PCBP3: variants seen among roughly 807,000 people sequenced by gnomAD.
The protein encoded by PCBP3 is poly(rC) binding protein 3.
PCBP3 carries 25 observed loss-of-function variants against 52.7 expected under a neutral mutation model. The ratio of observed to expected loss-of-function variants is 0.47; its 90% CI spans 0.35 to 0.66. The LOEUF is 0.66. Among genes scored for constraint, PCBP3 ranks in the 30% least tolerant of loss-of-function variants. The pLI, the probability that PCBP3 is intolerant of heterozygous loss-of-function variation, is 0.01. For synonymous variants in PCBP3, 162 were observed against 183.0 expected (o/e 0.89, Z 0.93); for missense variants, 391 against 490.3 (o/e 0.80, Z 1.91).
At chr21:45,926,745 A>C (rs1288711787) in intron 13 of PCBP3, among the ~76,000 whole-genome samples, 1 of 152,256 alleles carries the variant, frequency 6.6e-6, no homozygotes, top group Non-Finnish European at 1.5e-5. Flanking sequence ...GAACTCCAAC[A>C]CAAGACAGAA....
At chr21:45,666,574 A>T (rs1470153376) in intron 1 of PCBP3, among the ~76,000 whole-genome samples, 2 of 151,908 alleles carry the variant, frequency 1.3e-5, no homozygotes, top group African/African-American at 2.4e-5. Context: ...TTTATTTGAG[A>T]GTGTCTTAAT....
Position 45,863,514 on chromosome 21 carries a change from C to T in PCBP3, c.10+13419C>T, listed in dbSNP as rs115494687. Among the ~76,000 whole-genome samples the T allele has an allele frequency of 1.9e-3, 297 of 152,338 alleles. 2 individuals are homozygous for T. The highest frequency in any genetic ancestry group is 6.9e-3 in the African/African-American group (285 of 41,578). On this transcript the variant is annotated intron_variant, in intron 5 of 17. Transcript: ENST00000681687. ...GTATTGAAATGACAGCGCATGAGTG[C>T]TGGGTCCACCCTCCAAGGGCATGAG...
chr21:45,921,779 T>A lies in PCBP3; in HGVS notation c.717+4150T>A, dbSNP rs542092891. On this transcript the variant is annotated intron_variant, in intron 13 of 17. Transcript: ENST00000681687. Reference sequence around the variant, plus strand: ...GGTTGCAGTGAGCCAAGATCATCCCTCTGCACTCCAGCCTGGGCGACAGAA... The same window carrying A: ...GGTTGCAGTGAGCCAAGATCATCCCACTGCACTCCAGCCTGGGCGACAGAA... Among the ~76,000 whole-genome samples, 44 of 151,786 alleles carry A rather than the reference T, an allele frequency of 2.9e-4. No homozygotes were observed. The East Asian group carries it at 8.4e-3, about 29-fold the overall frequency.
Position 45,941,688 on chromosome 21 carries a change from C to A in PCBP3, c.1098C>A (p.Thr366=). 6.2e-7 allele frequency: 1 copy of A among 1,606,384 alleles called. No homozygotes were observed. The highest frequency in any genetic ancestry group is 8.5e-7 in the Non-Finnish European group (1 of 1,176,464). The change falls in exon 18 of 18, where the codon ACC becomes ACA. Residue 366 remains threonine (T), a synonymous_variant. Coordinates refer to ENST00000681687, the MANE Select transcript of PCBP3 (RefSeq NM_001384156.1). ...LINARLTSEV[T]GMGTL ...GTTCCAGGCTGACGTCCGAGGTCAC[C>A]GGGATGGGCACGCTGTAATCCTACC...
chr21:45,911,406 T>TG, intron 11 of PCBP3: 1 of 90,708 alleles, frequency 1.1e-5, no homozygotes, highest in Non-Finnish European at 2.2e-5. Context: ...CAGCTGGGGG[T>TG]GGGAGGGAGG....
intron 5 of PCBP3, 123 bp downstream of exon 5, chr21:45,850,218 T>G: frequency 1.2e-6 from 1 of 814,012 alleles, no homozygotes; most frequent in Non-Finnish European, 2.1e-6. Flanking sequence ...TCACCCTGCT[T>G]CAGTCCACAA....
intron 4 of PCBP3, among the ~76,000 whole-genome samples, chr21:45,822,616 C>G (rs150722854): frequency 1.4e-3 from 202 of 140,694 alleles, no homozygotes; most frequent in Non-Finnish European, 2.3e-3. Flanking sequence ...AGGATAGGGC[C>G]AGGAGAGCAA....
intron 5 of PCBP3, among the ~76,000 whole-genome samples, chr21:45,891,524 A>G (rs1385533032): frequency 6.6e-6 from 1 of 152,184 alleles, no homozygotes; most frequent in Admixed American, 6.5e-5. Context: ...CGACTTCTGA[A>G]AGTCCAGGAG....
intron 4 of PCBP3, among the ~76,000 whole-genome samples, chr21:45,845,967 CT>C (rs1429523390): frequency 5.9e-5 from 9 of 152,360 alleles, no homozygotes; most frequent in Non-Finnish European, 1.0e-4. Context: ...TTCATCTCCT[CT>C]GTCTCCTTGC....
At chr21:45,646,298 T>G (rs1264385785) in intron 1 of PCBP3, among the ~76,000 whole-genome samples, 1 of 152,124 alleles carries the variant, frequency 6.6e-6, no homozygotes, top group Non-Finnish European at 1.5e-5. Flanking sequence ...TTAAGGAGGA[T>G]AATTATGCTA....
At chr21:45,678,169 G>A (rs1387826730) in intron 2 of PCBP3, among the ~76,000 whole-genome samples, 19 of 151,992 alleles carry the variant, frequency 1.3e-4, no homozygotes, top group African/African-American at 2.4e-4. Flanking sequence ...GTGAAACCCC[G>A]TCTCTACTAA....
intron 5 of PCBP3, among the ~76,000 whole-genome samples, chr21:45,865,746 C>T (rs1472332597): frequency 6.6e-6 from 1 of 152,238 alleles, no homozygotes; most frequent in Non-Finnish European, 1.5e-5. Context: ...TGTGTTATCA[C>T]CCGGAGCTGT....
At chr21:45,826,956 C>T (rs1056806106) in intron 4 of PCBP3, among the ~76,000 whole-genome samples, 9 of 152,006 alleles carry the variant, frequency 5.9e-5, no homozygotes, top group Non-Finnish European at 8.8e-5. Context: ...TGTACCCACC[C>T]GTGTCAAGGT....
chr21:45,862,259 A>G (rs1000177142), intron 5 of PCBP3, among the ~76,000 whole-genome samples: 2 of 152,172 alleles, frequency 1.3e-5, no homozygotes, highest in Non-Finnish European at 2.9e-5. Context: ...AATTCAAAAT[A>G]CCTGGAATTG....
intron 2 of PCBP3, among the ~76,000 whole-genome samples, chr21:45,728,179 G>A (rs1021234017): frequency 2.0e-5 from 3 of 152,160 alleles, no homozygotes; most frequent in Non-Finnish European, 2.9e-5. Flanking sequence ...GAATTTAGGG[G>A]TAAACATTCA....
intron 9 of PCBP3, among the ~76,000 whole-genome samples, chr21:45,908,995 G>A (rs1349514334): frequency 6.6e-6 from 1 of 152,018 alleles, no homozygotes; most frequent in Non-Finnish European, 1.5e-5. Context: ...CCAGCCCCCA[G>A]CTAGTCTCCA....
intron 1 of PCBP3, among the ~76,000 whole-genome samples, chr21:45,644,529 G>A (rs2079131920): frequency 6.6e-6 from 1 of 151,798 alleles, no homozygotes; most frequent in South Asian, 2.1e-4. Context: ...TTTGCCTGGT[G>A]ATGTTTTCCA....
At chr21:45,831,255 T>C (rs76411915) in intron 4 of PCBP3, 4,049 of 152,082 alleles carry the variant, frequency 0.027, 67 homozygotes, top group Non-Finnish European at 0.039. Context: ...CAAAAAAATA[T>C]AAAAATTAGC....
intron 2 of PCBP3, among the ~76,000 whole-genome samples, chr21:45,733,087 A>G (rs1253819138): frequency 6.6e-6 from 1 of 152,194 alleles, no homozygotes; most frequent in Non-Finnish European, 1.5e-5. Context: ...TTCTGTCTGT[A>G]CATTGACTGA....
Sources: gnomAD v4.1 joint callset for allele counts (sites outside exome capture counted in the v4.1 genomes callset) on GRCh38, gnomAD v4.1.1 for gene constraint, MANE v1.5 for transcripts, NCBI Gene and HGNC (gene_info 2026-07-23, HGNC 2026-07-21) for gene names.